Variants in EXOC4 observed in about 807,000 individuals in gnomAD.
EXOC4 encodes exocyst complex component 4, also known as SEC8-like 1.
Under a neutral mutation model 107.2 loss-of-function variants are expected in EXOC4, and 71 were observed. The ratio of observed to expected loss-of-function variants is 0.66; its 90% CI spans 0.55 to 0.81. The LOEUF is 0.81. Ranked by LOEUF, EXOC4 falls within the 30% of genes least tolerant of loss-of-function variation. EXOC4 has a pLI of 0.00. For missense variants in EXOC4, 1,108 were observed against 1,189.6 expected, an observed-to-expected ratio of 0.93 and a Z score of 1.01; for synonymous variants, 456 against 441.2, an observed-to-expected ratio of 1.03 and a Z score of -0.42.
At chr7:133,531,079 A>T (rs1469188415) in intron 9 of EXOC4, among the ~76,000 whole-genome samples, 1 of 152,158 alleles carries the variant, frequency 6.6e-6, no homozygotes, top group Non-Finnish European at 1.5e-5. Flanking sequence ...ACTTCTTCAG[A>T]TATGTATTTT....
intron 1 of EXOC4, among the ~76,000 whole-genome samples, chr7:133,265,503 G>A (rs989857658): frequency 2.4e-4 from 36 of 152,028 alleles, no homozygotes; most frequent in Admixed American, 7.2e-4. Context: ...GCAGGGATTC[G>A]GTGACATAGT....
At chr7:133,583,762 C>T (rs118158584) in intron 9 of EXOC4, among the ~76,000 whole-genome samples, 3,601 of 152,116 alleles carry the variant, frequency 0.024, 90 homozygotes, top group Non-Finnish European at 0.031. Flanking sequence ...TCACCATTAT[C>T]CTGAAGGCAG....
chr7:133,532,867 G>A (rs1355591973), intron 9 of EXOC4, among the ~76,000 whole-genome samples: 1 of 152,074 alleles, frequency 6.6e-6, no homozygotes, highest in Non-Finnish European at 1.5e-5. Flanking sequence ...ACTATTTACT[G>A]AACAGGAAAT....
At chr7:133,695,918 G>A (rs1276777729) in intron 10 of EXOC4, among the ~76,000 whole-genome samples, 1 of 152,004 alleles carries the variant, frequency 6.6e-6, no homozygotes, top group Non-Finnish European at 1.5e-5. Flanking sequence ...CTGTATGTGG[G>A]GATTGCTTGA....
intron 9 of EXOC4, among the ~76,000 whole-genome samples, chr7:133,629,701 T>A (rs1461460911): frequency 6.6e-6 from 1 of 151,406 alleles, no homozygotes; most frequent in Non-Finnish European, 1.5e-5. Context: ...CGACCATGCC[T>A]GGCTAATTTT....
chr7:134,058,615 A>T (rs1795983967), intron 17 of EXOC4, among the ~76,000 whole-genome samples: 1 of 152,176 alleles, frequency 6.6e-6, no homozygotes, highest in Admixed American at 6.5e-5. Flanking sequence ...TATAACTGCA[A>T]AGTTTGTACA....
chr7:133,370,360 T>A (rs73148941), intron 6 of EXOC4, among the ~76,000 whole-genome samples: 7,713 of 152,134 alleles, frequency 0.051, 269 homozygotes, highest in Non-Finnish European at 0.076. Context: ...TCAACCAGTA[T>A]GTGTAAAATA....
At chr7:133,326,644 A>C (rs1280148866) in intron 5 of EXOC4, among the ~76,000 whole-genome samples, 1 of 152,032 alleles carries the variant, frequency 6.6e-6, no homozygotes, top group Non-Finnish European at 1.5e-5. Context: ...CAGTTAGGCT[A>C]CTCGGGGGTC....
intron 11 of EXOC4, among the ~76,000 whole-genome samples, chr7:133,839,241 T>C (rs1444761949): frequency 1.3e-5 from 2 of 152,172 alleles, no homozygotes; most frequent in African/African-American, 4.8e-5. Context: ...TGTGCCTGCC[T>C]TTCCCCGAAC....
chr7:133,257,366 GCA>G (rs35107499), intron 1 of EXOC4, among the ~76,000 whole-genome samples: 1,793 of 149,670 alleles, frequency 0.012, 23 homozygotes, highest in South Asian at 0.026. Flanking sequence ...TTACACACAC[GCA>G]CACACACACA....
chr7:133,789,403 C>T (rs1219362347), intron 10 of EXOC4, among the ~76,000 whole-genome samples: 1 of 152,152 alleles, frequency 6.6e-6, no homozygotes, highest in Non-Finnish European at 1.5e-5. Flanking sequence ...TCCCCCAGGA[C>T]CAAAGGGCAT....
chr7:133,964,999 C>T (rs893150455), intron 14 of EXOC4, among the ~76,000 whole-genome samples: 2 of 152,154 alleles, frequency 1.3e-5, no homozygotes, highest in South Asian at 4.1e-4. Context: ...CTGTTGTTTC[C>T]TGACTTTTTA....
In EXOC4 at chr7:133,581,769, A is replaced by G. The variant is rs537331065; in HGVS notation, c.1418-48276A>G. Among the ~76,000 whole-genome samples, 11 of 151,722 alleles carry G rather than the reference A, an allele frequency of 7.3e-5. No homozygotes were observed. The East Asian group carries it at 2.1e-3, about 29-fold the overall frequency. ...TGAGACTCCGTCTCAAAAAAAAAAA[A>G]AAAAAAAAAAGAATGACCTGAGACT... On this transcript the variant is annotated intron_variant, in intron 9 of 17. Transcript: ENST00000253861.
At chr7:133,462,237 G>A (rs1444084077) in intron 7 of EXOC4, among the ~76,000 whole-genome samples, 1 of 152,032 alleles carries the variant, frequency 6.6e-6, no homozygotes, top group African/African-American at 2.4e-5. Context: ...AAAAACACAC[G>A]GCATCTTTTA....
intron 7 of EXOC4, among the ~76,000 whole-genome samples, chr7:133,393,803 G>T (rs1796909701): frequency 6.6e-6 from 1 of 152,152 alleles, no homozygotes; most frequent in Non-Finnish European, 1.5e-5. Context: ...TTGTTTATAA[G>T]CTACTCAATC....
At chr7:133,936,448 G>A (rs568031470) in intron 13 of EXOC4, among the ~76,000 whole-genome samples, 3 of 152,226 alleles carry the variant, frequency 2.0e-5, no homozygotes, top group Admixed American at 1.3e-4. Flanking sequence ...CTGCATGCTC[G>A]AAACTTAATT....
intron 10 of EXOC4, among the ~76,000 whole-genome samples, chr7:133,673,229 G>A (rs2151059808): frequency 6.6e-6 from 1 of 152,304 alleles, no homozygotes; most frequent in South Asian, 2.1e-4. Context: ...CCTTAAAGGA[G>A]TACTTAAAGG....
At chr7:133,861,726 G>T (rs1385464612) in intron 11 of EXOC4, among the ~76,000 whole-genome samples, 1 of 152,178 alleles carries the variant, frequency 6.6e-6, no homozygotes, top group East Asian at 1.9e-4. Context: ...TAGAGATGGG[G>T]TTTCACCATG....
intron 17 of EXOC4, chr7:134,008,079 A>G (rs1794684672): frequency 2.4e-6 from 1 of 412,394 alleles, no homozygotes; most frequent in Admixed American, 4.1e-5. Context: ...CAATACTTGA[A>G]TAACTCTTTT....
Sources: gnomAD v4.1 joint callset for allele counts (sites outside exome capture counted in the v4.1 genomes callset) on GRCh38, gnomAD v4.1.1 for gene constraint, MANE v1.5 for transcripts, NCBI Gene and HGNC (gene_info 2026-07-23, HGNC 2026-07-21) for gene names.